Variants in VPS41 observed in about 807,000 individuals in gnomAD.
VPS41 encodes the protein VPS41 subunit of HOPS complex.
Under a neutral mutation model 130.9 loss-of-function variants are expected in VPS41, and 85 were observed. The observed-to-expected ratio is 0.65, with a 90% CI of 0.55 to 0.78. VPS41 has a LOEUF of 0.78. Among genes scored for constraint, VPS41 ranks in the 30% least tolerant of loss-of-function variants. VPS41 has a pLI of 0.00. For synonymous variants in VPS41, 335 were observed against 332.9 expected, an observed-to-expected ratio of 1.01 and a Z score of -0.07; for missense variants, 874 against 1,018.7, an observed-to-expected ratio of 0.86 and a Z score of 1.93.
rs540999717 is a variant in VPS41 at position 38,725,318 on chromosome 7, G to A, written c.*928C>T. ...CTCTATGATATGCTCTGTTCCATGA[G>A]GGCAATGGAGGCACCAGAGAAGGCA... On this transcript the variant is annotated 3_prime_UTR_variant, in exon 29 of 29. Transcript: ENST00000310301. The A allele has an allele frequency of 6.6e-6, 1 of 152,316 alleles. No homozygotes were observed. The highest frequency in any genetic ancestry group is 2.1e-4 in the South Asian group (1 of 4,812). The allele number at this position is 152,316 out of a possible 1,614,324, so 9.4% of individuals were successfully genotyped here.
chr7:38,843,631 G>A (rs974610771), intron 4 of VPS41, among the ~76,000 whole-genome samples: 1 of 151,278 alleles, frequency 6.6e-6, no homozygotes, highest in African/African-American at 2.4e-5. Context: ...TTAGTGAGCC[G>A]AGATAGCACC....
intron 21 of VPS41, among the ~76,000 whole-genome samples, chr7:38,752,869 A>G (rs559869327): frequency 9.0e-4 from 137 of 152,322 alleles, no homozygotes; most frequent in South Asian, 1.2e-3. Flanking sequence ...TACATTCTGC[A>G]TCTCCTCTTT....
chr7:38,825,124 C>G (rs1785244993), intron 5 of VPS41, among the ~76,000 whole-genome samples: 1 of 152,164 alleles, frequency 6.6e-6, no homozygotes, highest in South Asian at 2.1e-4. Flanking sequence ...TCGCCAGAAG[C>G]AAAAATGTCA....
intron 10 of VPS41, among the ~76,000 whole-genome samples, chr7:38,782,162 TCTC>T (rs1784365248): frequency 6.6e-6 from 1 of 152,170 alleles, no homozygotes; most frequent in East Asian, 1.9e-4. Flanking sequence ...CCCAGCAGTG[TCTC>T]CTCAGTGGAG....
At chr7:38,841,337 T>C (rs924160687) in intron 4 of VPS41, among the ~76,000 whole-genome samples, 4 of 152,226 alleles carry the variant, frequency 2.6e-5, no homozygotes, top group African/African-American at 9.6e-5. Context: ...TGAGAAAAGA[T>C]ACTTCCAAGG....
intron 7 of VPS41, among the ~76,000 whole-genome samples, chr7:38,800,059 T>C (rs946027558): frequency 3.3e-5 from 5 of 152,130 alleles, no homozygotes; most frequent in South Asian, 2.1e-4. Context: ...AGGAAGTTGC[T>C]ACCTAGAAAC....
chr7:38,861,768 A>G (rs1304260584), intron 4 of VPS41, among the ~76,000 whole-genome samples: 1 of 152,186 alleles, frequency 6.6e-6, no homozygotes, highest in Non-Finnish European at 1.5e-5. Context: ...TTACACAACC[A>G]TGGAAGTTCT....
At chr7:38,866,398 G>A (rs959387789) in intron 3 of VPS41, among the ~76,000 whole-genome samples, 4 of 152,210 alleles carry the variant, frequency 2.6e-5, no homozygotes, top group Non-Finnish European at 5.9e-5. Flanking sequence ...GGAGGCAGTA[G>A]AAGATAAGAG....
chr7:38,854,161 T>C (rs1785929968), intron 4 of VPS41, among the ~76,000 whole-genome samples: 1 of 152,180 alleles, frequency 6.6e-6, no homozygotes, highest in African/African-American at 2.4e-5. Context: ...AGAAAACAAG[T>C]TCTTTAAACA....
chr7:38,803,456 C>T (rs1401291787), intron 7 of VPS41, among the ~76,000 whole-genome samples: 3 of 152,116 alleles, frequency 2.0e-5, no homozygotes, highest in South Asian at 2.1e-4. Context: ...TGTGTTCCCA[C>T]GGGGAGAACC....
chr7:38,786,848 C>T (rs937978385), intron 10 of VPS41, among the ~76,000 whole-genome samples: 1 of 152,132 alleles, frequency 6.6e-6, no homozygotes, highest in Non-Finnish European at 1.5e-5. Flanking sequence ...GATCCCACTA[C>T]TGTAACCCAT....
intron 2 of VPS41, among the ~76,000 whole-genome samples, chr7:38,880,761 A>G (rs115609420): frequency 0.019 from 2,832 of 152,350 alleles, 95 homozygotes; most frequent in African/African-American, 0.064. Context: ...TGTGCTATTT[A>G]GATTTGTTAT....
At chr7:38,805,001 G>A (rs1039050479) in intron 7 of VPS41, among the ~76,000 whole-genome samples, 1 of 152,224 alleles carries the variant, frequency 6.6e-6, no homozygotes. Context: ...AACACCCTCA[G>A]CATCAGGGTA....
At chr7:38,874,560 G>C (rs1179429630) in intron 2 of VPS41, among the ~76,000 whole-genome samples, 2 of 152,074 alleles carry the variant, frequency 1.3e-5, no homozygotes, top group Admixed American at 6.6e-5. Context: ...GGTTTAGTTG[G>C]TTTCATGTCA....
intron 5 of VPS41, among the ~76,000 whole-genome samples, chr7:38,827,003 A>G (rs1785293674): frequency 6.6e-6 from 1 of 152,018 alleles, no homozygotes; most frequent in Non-Finnish European, 1.5e-5. Context: ...TATTTTTAGT[A>G]GAGATGGGGT....
chr7:38,844,219 G>A (rs1486273139), intron 4 of VPS41, among the ~76,000 whole-genome samples: 3 of 152,180 alleles, frequency 2.0e-5, no homozygotes, highest in African/African-American at 7.2e-5. Flanking sequence ...TTCCTTCCCA[G>A]TGATTTCAAA....
chr7:38,853,377 C>T (rs1785906528), intron 4 of VPS41, among the ~76,000 whole-genome samples: 1 of 141,332 alleles, frequency 7.1e-6, no homozygotes, highest in Non-Finnish European at 1.5e-5. Flanking sequence ...TGAGATTGCG[C>T]CACTGCACTC....
intron 25 of VPS41, among the ~76,000 whole-genome samples, chr7:38,733,757 T>C (rs1262251856): frequency 6.6e-6 from 1 of 152,172 alleles, no homozygotes. Flanking sequence ...TAACCTTTGC[T>C]TTGTAACCTA....
chr7:38,772,052 T>C (rs1014916174), intron 13 of VPS41, among the ~76,000 whole-genome samples: 2 of 152,176 alleles, frequency 1.3e-5, no homozygotes, highest in Non-Finnish European at 2.9e-5. Context: ...TTTTCTTTTT[T>C]TTTAAGCGAT....
Sources: gnomAD v4.1 joint callset for allele counts (sites outside exome capture counted in the v4.1 genomes callset) on GRCh38, gnomAD v4.1.1 for gene constraint, MANE v1.5 for transcripts, NCBI Gene and HGNC (gene_info 2026-07-23, HGNC 2026-07-21) for gene names.